The following GRIK2 variants were observed in gnomAD, a reference collection of about 807,000 sequenced individuals.
GRIK2 encodes glutamate receptor ionotropic, kainate 2.
In GRIK2, 32 loss-of-function variants were observed where a neutral mutation model predicts 100.3. The observed-to-expected ratio is 0.32, with a 90% CI of 0.24 to 0.43. GRIK2 has a LOEUF of 0.43. Ranked by LOEUF, GRIK2 falls within the 20% of genes least tolerant of loss-of-function variation. The pLI is 1.00. For synonymous variants in GRIK2, 417 were observed against 389.4 expected (o/e 1.07, Z -0.83); for missense variants, 843 against 1,114.9 (o/e 0.76, Z 3.47).
intron 2 of GRIK2, among the ~76,000 whole-genome samples, chr6:101,591,338 G>A (rs1422869044): frequency 6.6e-6 from 1 of 150,920 alleles, no homozygotes; most frequent in Non-Finnish European, 1.5e-5. Flanking sequence ...TCTAGCTCAG[G>A]TCATGATTCT....
chr6:101,399,428 C>A, intron 2 of GRIK2, 36 bp downstream of exon 2: 1 of 1,022,482 alleles, frequency 9.8e-7, no homozygotes, highest in Non-Finnish European at 1.6e-6. Context: ...GCCTGGTATC[C>A]GCTCCCAGGC....
chr6:102,060,907 A>G (rs1448026049), intron 16 of GRIK2, among the ~76,000 whole-genome samples: 1 of 150,576 alleles, frequency 6.6e-6, no homozygotes, highest in East Asian at 1.9e-4. Flanking sequence ...TTATGTATTA[A>G]TTTTTTAACT....
intron 2 of GRIK2, among the ~76,000 whole-genome samples, chr6:101,432,749 A>G (rs947657041): frequency 2.0e-5 from 3 of 152,190 alleles, no homozygotes; most frequent in African/African-American, 7.2e-5. Context: ...TCACACAAGA[A>G]TAGGATTAAA....
chr6:101,508,471 A>T (rs1774130074), intron 2 of GRIK2, among the ~76,000 whole-genome samples: 1 of 152,148 alleles, frequency 6.6e-6, no homozygotes, highest in African/African-American at 2.4e-5. Flanking sequence ...GCAAAGCTTA[A>T]TATAACAGAT....
intron 2 of GRIK2, among the ~76,000 whole-genome samples, chr6:101,575,002 G>C (rs1777729638): frequency 6.6e-6 from 1 of 151,504 alleles, no homozygotes; most frequent in Non-Finnish European, 1.5e-5. Context: ...CAAATATGTT[G>C]CACCTACTAA....
At chr6:101,960,046 G>GTA (rs1288088009) in intron 14 of GRIK2, among the ~76,000 whole-genome samples, 4 of 87,624 alleles carry the variant, frequency 4.6e-5, no homozygotes, top group Non-Finnish European at 8.5e-5. Flanking sequence ...CCTTTTTTTA[G>GTA]TGTTTTGTTT....
At chr6:101,452,085 T>C (rs2128249431) in intron 2 of GRIK2, among the ~76,000 whole-genome samples, 1 of 151,936 alleles carries the variant, frequency 6.6e-6, no homozygotes, top group Admixed American at 6.6e-5. Context: ...ATGGAGGACA[T>C]GTTTCTTATG....
chr6:101,788,964 A>G (rs1426167780), intron 7 of GRIK2, among the ~76,000 whole-genome samples: 1 of 151,886 alleles, frequency 6.6e-6, no homozygotes, highest in Non-Finnish European at 1.5e-5. Flanking sequence ...ATGGCCAGTG[A>G]TGATGAGCTT....
intron 14 of GRIK2, among the ~76,000 whole-genome samples, chr6:101,950,435 A>G (rs533102546): frequency 6.6e-6 from 1 of 152,290 alleles, no homozygotes; most frequent in Admixed American, 6.5e-5. Context: ...TCCAGTTATC[A>G]ATCTCAGGAT....
intron 12 of GRIK2, among the ~76,000 whole-genome samples, chr6:101,891,217 A>G (rs528334816): frequency 6.4e-4 from 98 of 152,094 alleles, no homozygotes; most frequent in African/African-American, 2.3e-3. Flanking sequence ...ATTTAAATCA[A>G]TTAGAAGTAG....
Position 101,649,678 on chromosome 6 carries a change from A to C in GRIK2, c.541+23041A>C, listed in dbSNP as rs577960578. ...TCCTTATAATAATCTTGGAGATTTAAGATTATAGCAAACAGGTAAATGAGT... is the reference window on the plus strand; with the variant it reads ...TCCTTATAATAATCTTGGAGATTTACGATTATAGCAAACAGGTAAATGAGT... On this transcript the variant is annotated intron_variant, in intron 4 of 16. Transcript: ENST00000369134. 5.0e-4 allele frequency among the ~76,000 whole-genome samples: 76 copies of C among 152,232 alleles called. 1 individual carries two copies. Among genetic ancestry groups the C allele is most frequent in the African/African-American group, 1.8e-3 (75 of 41,564 alleles).
intron 12 of GRIK2, among the ~76,000 whole-genome samples, chr6:101,892,436 A>G (rs776746679): frequency 1.8e-4 from 27 of 152,108 alleles, no homozygotes; most frequent in Non-Finnish European, 3.4e-4. Flanking sequence ...GCATCTGTAT[A>G]ATTATGGTAA....
intron 14 of GRIK2, among the ~76,000 whole-genome samples, chr6:102,005,948 C>A (rs964294736): frequency 6.6e-6 from 1 of 151,956 alleles, no homozygotes; most frequent in Non-Finnish European, 1.5e-5. Context: ...GCACACGTGT[C>A]CCTAGTGTCT....
chr6:101,509,701 C>T (rs1362661653), intron 2 of GRIK2, among the ~76,000 whole-genome samples: 3 of 152,132 alleles, frequency 2.0e-5, no homozygotes, highest in African/African-American at 7.2e-5. Flanking sequence ...CAGAGTCTTG[C>T]TTGTAAATTC....
intron 2 of GRIK2, among the ~76,000 whole-genome samples, chr6:101,524,410 C>T (rs1355613475): frequency 6.6e-6 from 1 of 151,742 alleles, no homozygotes; most frequent in Non-Finnish European, 1.5e-5. Context: ...ATATATCAAT[C>T]ACAGATATAT....
rs1176020704 is a variant in GRIK2, at chr6:102,047,541, A to G, written c.2312-7789A>G. Among the ~76,000 whole-genome samples, 3 of 152,036 alleles carry G rather than the reference A, an allele frequency of 2.0e-5. No homozygotes were observed. The East Asian group carries it at 5.8e-4, about 30-fold the overall frequency. ...GAGCTGGATGGATCACAAGGTCAGG[A>G]GTTCGAGACCAGCCTGGCCAACATG... is the stretch of plus-strand genomic sequence containing the variant. On this transcript the variant is annotated intron_variant, in intron 15 of 16. Coordinates refer to ENST00000369134, the MANE Select transcript of GRIK2 (RefSeq NM_021956.5).
chr6:101,532,151 C>T (rs1420210283), intron 2 of GRIK2, among the ~76,000 whole-genome samples: 1 of 151,912 alleles, frequency 6.6e-6, no homozygotes, highest in Non-Finnish European at 1.5e-5. Context: ...TGCTCTTCCA[C>T]TTACTGCTCC....
chr6:101,828,396 A>T (rs568882996), intron 10 of GRIK2, among the ~76,000 whole-genome samples: 21 of 152,104 alleles, frequency 1.4e-4, no homozygotes, highest in Middle Eastern at 3.4e-3. Context: ...AACTAAATCC[A>T]GAGCTAGCGT....
Position 102,059,983 on chromosome 6 carries a change from G to A in GRIK2, c.2562+4403G>A, listed in dbSNP as rs554502975. On this transcript the variant is annotated intron_variant, in intron 16 of 16. Transcript: ENST00000369134. ...CCATTTCTTATTAAGTGTAAATTAAGTAAATATGTCTAAGAAATAAAATAT... is the reference window on the plus strand; with the variant it reads ...CCATTTCTTATTAAGTGTAAATTAAATAAATATGTCTAAGAAATAAAATAT... 2.3e-4 allele frequency among the ~76,000 whole-genome samples: 34 copies of A among 150,100 alleles called. 1 individual carries two copies. The South Asian group carries it at 3.1e-3, about 14-fold the overall frequency.
Sources: allele counts gnomAD v4.1 joint callset (sites outside exome capture counted in the v4.1 genomes callset), GRCh38; gene constraint gnomAD v4.1.1; transcripts MANE v1.5; gene names NCBI Gene and HGNC (gene_info 2026-07-23, HGNC 2026-07-21).